OCM: variants seen among roughly 807,000 people sequenced by gnomAD.
OCM encodes oncomodulin.
In OCM, 18 loss-of-function variants were observed where a neutral mutation model predicts 14.1. The ratio of observed to expected loss-of-function variants is 1.28; its 90% CI spans 0.88 to 1.89. The LOEUF is 1.89. OCM is among the 40% of genes most tolerant of loss of function. The pLI is 0.00. For missense variants in OCM, 140 were observed against 137.6 expected (o/e 1.02, Z -0.09); for synonymous variants, 48 against 51.0 (o/e 0.94, Z 0.25).
chr7:5,863,967 A>G, the OCM span, among the ~76,000 whole-genome samples: 1 of 152,010 alleles, frequency 6.6e-6, no homozygotes, highest in Non-Finnish European at 1.5e-5. Flanking sequence ...GGAGAAGGCA[A>G]GGTCATCTGC....
the OCM span, among the ~76,000 whole-genome samples, chr7:5,862,772 A>G: frequency 6.6e-6 from 1 of 152,068 alleles, no homozygotes; most frequent in African/African-American, 2.4e-5. Flanking sequence ...TCTTGCGTAA[A>G]ATGTAGATCT....
chr7:5,876,477 C>T (rs149644574), upstream of OCM, among the ~76,000 whole-genome samples: 383 of 152,188 alleles, frequency 2.5e-3, 1 homozygote, highest in African/African-American at 8.7e-3. Flanking sequence ...AGGGGCTGGG[C>T]GAGGTGATGC....
the OCM span, among the ~76,000 whole-genome samples, chr7:5,872,533 C>T: frequency 7.9e-5 from 12 of 152,268 alleles, no homozygotes; most frequent in Admixed American, 2.6e-4. Flanking sequence ...TGCAGAAACT[C>T]AGATTCAGAG....
In OCM at chr7:5,886,335, A is replaced by G. The variant is rs1690056183; in HGVS notation, c.*246A>G. 2 of 517,622 alleles carry G rather than the reference A, an allele frequency of 3.9e-6. No individual in the cohort carries two copies. The highest frequency in any genetic ancestry group is 7.0e-6 in the Non-Finnish European group (2 of 285,856). The allele number at this position is 517,622 out of a possible 1,614,324, so 32.1% of individuals were successfully genotyped here. On this transcript the variant is annotated 3_prime_UTR_variant, in exon 4 of 4. Coordinates refer to ENST00000242104, the MANE Select transcript of OCM (RefSeq NM_001097622.2). The stretch of plus-strand genomic sequence containing the variant: ...CCCCCAACAGGCAATGCCTCTAAAA[A>G]TCACCCAATAAAGACAGGCTTCTCA...
chr7:5,882,466 C>G, intron 1 of OCM, 27 bp from the exon 2 acceptor site: 4 of 1,599,896 alleles, frequency 2.5e-6, no homozygotes, highest in Non-Finnish European at 3.4e-6. Context: ...CAACAAGCGT[C>G]AGAATAACCA....
chr7:5,877,404 G>A (rs1176116627), upstream of OCM, among the ~76,000 whole-genome samples: 2 of 150,580 alleles, frequency 1.3e-5, no homozygotes, highest in African/African-American at 4.9e-5. Context: ...GGAGGTCAAG[G>A]CTGCAGTGAG....
the OCM span, among the ~76,000 whole-genome samples, chr7:5,874,612 C>T: frequency 2.0e-5 from 3 of 152,028 alleles, no homozygotes; most frequent in Non-Finnish European, 1.5e-5. Flanking sequence ...TTAAGTGATC[C>T]TCCCACCTCA....
the OCM span, among the ~76,000 whole-genome samples, chr7:5,863,787 G>A: frequency 1.2e-4 from 18 of 152,146 alleles, no homozygotes; most frequent in South Asian, 2.3e-3. Context: ...CTGACTCGGC[G>A]TCGCAAAGTG....
the OCM span, among the ~76,000 whole-genome samples, chr7:5,867,244 T>C: frequency 6.6e-6 from 1 of 152,086 alleles, no homozygotes; most frequent in Non-Finnish European, 1.5e-5. Flanking sequence ...TAATCCCACC[T>C]ACTCAGGAGG....
chr7:5,872,949 T>C, the OCM span, among the ~76,000 whole-genome samples: 3 of 152,080 alleles, frequency 2.0e-5, no homozygotes, highest in African/African-American at 4.8e-5. Flanking sequence ...ACACCTGTAA[T>C]GCCAGCACTT....
chr7:5,861,160 G>A, the OCM span, among the ~76,000 whole-genome samples: 109 of 152,188 alleles, frequency 7.2e-4, 1 homozygote, highest in South Asian at 1.2e-3. Flanking sequence ...GGTGGCTCAC[G>A]CCTGTAATCC....
chr7:5,883,923 A>G lies in OCM; in HGVS notation c.228A>G (p.Arg76=), dbSNP rs1229706246. 2.5e-6 allele frequency: 4 copies of G among 1,613,012 alleles called. No individual in the cohort carries two copies. Among genetic ancestry groups the G allele is most frequent in the Admixed American group, 1.7e-5 (1 of 59,806 alleles). Residue 76 remains arginine (R), a synonymous_variant, in exon 3 of 4, where the codon AGA becomes AGG. Coordinates refer to ENST00000242104, the MANE Select transcript of OCM (RefSeq NM_001097622.2). ...FFLQKFESGA[R]ELTESETKSL... ...TCCAGAAGTTTGAGAGTGGTGCCAG[A>G]GAACTGACCGAGTCAGAAACCAAGT...
chr7:5,867,140 T>C, the OCM span, among the ~76,000 whole-genome samples: 4 of 152,206 alleles, frequency 2.6e-5, no homozygotes, highest in African/African-American at 9.7e-5. Flanking sequence ...TTCATTTTCC[T>C]TGCAGTTCTT....
At chr7:5,859,805 C>T in the OCM span, among the ~76,000 whole-genome samples, 17 of 152,046 alleles carry the variant, frequency 1.1e-4, no homozygotes, top group Non-Finnish European at 2.5e-4. Context: ...TCAAGCGATT[C>T]TCCTGCCTCA....
chr7:5,876,805 C>CTT (rs111241085), upstream of OCM, among the ~76,000 whole-genome samples: 6 of 140,398 alleles, frequency 4.3e-5, no homozygotes, highest in African/African-American at 5.2e-5. Flanking sequence ...TTGTCTACTT[C>CTT]TTTTTTTTTT....
chr7:5,883,520 CA>C (rs562229417), intron 2 of OCM, among the ~76,000 whole-genome samples: 2 of 150,456 alleles, frequency 1.3e-5, no homozygotes, highest in African/African-American at 4.9e-5. Context: ...CTTGTCTCTA[CA>C]AAAAAAAATA....
At chr7:5,867,884 G>A in the OCM span, among the ~76,000 whole-genome samples, 2 of 151,640 alleles carry the variant, frequency 1.3e-5, no homozygotes, top group Admixed American at 6.6e-5. Flanking sequence ...CGGTAGCTGG[G>A]ACCACCACAC....
At chr7:5,863,556 G>A in the OCM span, among the ~76,000 whole-genome samples, 2 of 142,034 alleles carry the variant, frequency 1.4e-5, no homozygotes, top group African/African-American at 5.2e-5. Flanking sequence ...TTCTCAAGAT[G>A]GAGTCTTGCT....
chr7:5,880,754 G>A (rs1272811117), upstream of OCM: 40 of 746,260 alleles, frequency 5.4e-5, no homozygotes, highest in Non-Finnish European at 6.3e-5. Context: ...GTGAGACTCC[G>A]TCTTAATTTA....
Sources: allele counts gnomAD v4.1 joint callset (sites outside exome capture counted in the v4.1 genomes callset), GRCh38; gene constraint gnomAD v4.1.1; transcripts MANE v1.5; gene names NCBI Gene and HGNC (gene_info 2026-07-23, HGNC 2026-07-21).